AGO3: variants seen among roughly 807,000 people sequenced by gnomAD.
AGO3 encodes the protein argonaute RISC catalytic component 3.
A neutral mutation model predicts 105.5 loss-of-function variants in AGO3; 16 were observed. The observed-to-expected ratio is 0.15, with a 90% confidence interval of 0.10 to 0.23. AGO3 has a LOEUF of 0.23. Ranked by LOEUF, AGO3 falls within the 10% of genes least tolerant of loss-of-function variation. AGO3 has a pLI of 1.00. For missense variants in AGO3, 534 were observed against 1,088.0 expected, an observed-to-expected ratio of 0.49 and a Z score of 7.16; for synonymous variants, 340 against 367.3, an observed-to-expected ratio of 0.93 and a Z score of 0.85.
intron 14 of AGO3, among the ~76,000 whole-genome samples, chr1:36,039,357 G>A (rs190879298): frequency 1.3e-5 from 2 of 152,130 alleles, no homozygotes; most frequent in East Asian, 3.9e-4. Context: ...AGCTGGGGGT[G>A]GTGGTGCACA....
chr1:36,041,235 CTTTTTTT>C (rs958423621), intron 16 of AGO3, among the ~76,000 whole-genome samples: 2 of 86,408 alleles, frequency 2.3e-5, no homozygotes, highest in East Asian at 3.6e-4. Flanking sequence ...AATATGTTTT[CTTTTTTT>C]TTTTTTTTTT....
intron 2 of AGO3, among the ~76,000 whole-genome samples, chr1:35,954,382 G>GT (rs1646528370): frequency 6.6e-6 from 1 of 152,046 alleles, no homozygotes. Context: ...AGTACATAAG[G>GT]TATTATTACC....
chr1:36,019,750 T>C (rs114171393), intron 11 of AGO3, among the ~76,000 whole-genome samples: 2,324 of 152,260 alleles, frequency 0.015, 50 homozygotes, highest in African/African-American at 0.053. Flanking sequence ...AACACCAATA[T>C]ATATGTAAGG....
intron 5 of AGO3, among the ~76,000 whole-genome samples, chr1:36,002,593 A>G (rs913667882): frequency 6.6e-6 from 1 of 152,070 alleles, no homozygotes; most frequent in African/African-American, 2.4e-5. Flanking sequence ...CGGCCTCCCA[A>G]AGTGCTGGGA....
intron 5 of AGO3, chr1:35,992,152 G>A (rs1051258122): frequency 2.0e-5 from 3 of 152,284 alleles, no homozygotes; most frequent in East Asian, 3.9e-4. Context: ...AAGCCTAGTT[G>A]GGAGTTCTAG....
At chr1:36,005,263 T>G (rs1307081091) in intron 6 of AGO3, among the ~76,000 whole-genome samples, 1 of 152,194 alleles carries the variant, frequency 6.6e-6, no homozygotes, top group South Asian at 2.1e-4. Context: ...TTTCAGCTTG[T>G]GGTTTGAATG....
chr1:36,002,168 C>T (rs1256380297), intron 5 of AGO3, among the ~76,000 whole-genome samples: 5 of 149,098 alleles, frequency 3.4e-5, no homozygotes, highest in Non-Finnish European at 6.0e-5. Flanking sequence ...TACAGGCATG[C>T]GCCACCACAC....
chr1:35,964,052 A>G (rs191751245), intron 2 of AGO3, among the ~76,000 whole-genome samples: 50 of 152,278 alleles, frequency 3.3e-4, no homozygotes, highest in Admixed American at 7.8e-4. Flanking sequence ...AGCAGGATAT[A>G]TATATATATT....
intron 17 of AGO3, among the ~76,000 whole-genome samples, chr1:36,050,824 A>G (rs1199336920): frequency 7.0e-6 from 1 of 143,870 alleles, no homozygotes; most frequent in Non-Finnish European, 1.5e-5. Context: ...ACTTGATTTG[A>G]TTTCTTTCGT....
chr1:35,947,608 T>G (rs560231279), intron 2 of AGO3, among the ~76,000 whole-genome samples: 51 of 152,162 alleles, frequency 3.4e-4, no homozygotes, highest in African/African-American at 1.2e-3. Context: ...ATGGCATGAG[T>G]GTGATGGTGG....
At chr1:36,020,341 CT>C (rs1226268956) in intron 11 of AGO3, among the ~76,000 whole-genome samples, 1 of 152,186 alleles carries the variant, frequency 6.6e-6, no homozygotes, top group Non-Finnish European at 1.5e-5. Context: ...TCAGTACTGA[CT>C]GAGTTAGCAT....
At chr1:35,931,592 G>A in intron 1 of AGO3, 147 bp downstream of exon 1, 1 of 927,860 alleles carries the variant, frequency 1.1e-6, no homozygotes, top group Non-Finnish European at 1.5e-6. Flanking sequence ...GCTCCTCCGC[G>A]ACCTCCCCGC....
In AGO3 at chr1:36,071,244, GAAGA is replaced by G. The variant is rs143334158; in HGVS notation, c.*15502_*15505del. On this transcript the variant is annotated 3_prime_UTR_variant, in exon 19 of 19. Transcript: ENST00000373191. ...ACAAAAAAAACCCTAAGTAATGGAG[GAAGA>G]AATAGCATTCTTTTAAAAGGGGCTT... 1 of 152,226 alleles carries G rather than the reference GAAGA, an allele frequency of 6.6e-6. No homozygotes were observed. Among genetic ancestry groups the G allele is most frequent in the Non-Finnish European group, 1.5e-5 (1 of 68,004 alleles). 9.4% of individuals were successfully genotyped at this position (152,226 alleles called of 1,614,324 possible).
chr1:36,062,147 T>A lies in AGO3; in HGVS notation c.*6402T>A, dbSNP rs1289432861. 1 of 151,830 alleles carries A rather than the reference T, an allele frequency of 6.6e-6. No individual in the cohort carries two copies. The highest frequency in any genetic ancestry group is 1.9e-4 in the East Asian group (1 of 5,198). The allele number at this position is 151,830 out of a possible 1,614,324, so 9.4% of individuals were successfully genotyped here. A position where few individuals can be genotyped will look rare whatever the true frequency, so the allele number is the denominator to read the frequency against. Reference sequence around the variant, plus strand: ...ACTTGCCTGGAATCATAGGCAACATTTTCTAATTAATCTTTTTTTTTTTTT... The same window carrying A: ...ACTTGCCTGGAATCATAGGCAACATATTCTAATTAATCTTTTTTTTTTTTT... On this transcript the variant is annotated 3_prime_UTR_variant, in exon 19 of 19. Transcript: ENST00000373191.
chr1:36,028,196 C>T (rs1313197258), intron 12 of AGO3, among the ~76,000 whole-genome samples: 1 of 152,102 alleles, frequency 6.6e-6, no homozygotes, highest in Non-Finnish European at 1.5e-5. Flanking sequence ...CATGTGCCAC[C>T]ACACTGGACT....
intron 11 of AGO3, among the ~76,000 whole-genome samples, chr1:36,023,402 CAG>C (rs1184356474): frequency 4.6e-5 from 7 of 152,206 alleles, no homozygotes; most frequent in East Asian, 1.9e-4. Flanking sequence ...TTAAATTTAA[CAG>C]AGTTTAATTG....
Position 36,063,477 on chromosome 1 carries a change from T to C in AGO3, c.*7732T>C, listed in dbSNP as rs1208680049. 1.3e-5 allele frequency: 2 copies of C among 152,148 alleles called. No homozygotes were observed. Among genetic ancestry groups the C allele is most frequent in the African/African-American group, 2.4e-5 (1 of 41,432 alleles). The allele number at this position is 152,148 out of a possible 1,614,324, so 9.4% of individuals were successfully genotyped here. Reference sequence around the variant, plus strand: ...AAAACAAATAGCAAATGATTCAAAATTCATTGAATTGACTTTGAAATGAAA... The same window carrying C: ...AAAACAAATAGCAAATGATTCAAAACTCATTGAATTGACTTTGAAATGAAA... On this transcript the variant is annotated 3_prime_UTR_variant, in exon 19 of 19. Transcript: ENST00000373191.
chr1:35,991,932 A>G (rs1055047769), intron 5 of AGO3, among the ~76,000 whole-genome samples: 24 of 152,038 alleles, frequency 1.6e-4, no homozygotes, highest in Non-Finnish European at 1.5e-4. Context: ...CTGTCTATTC[A>G]GTGTTAATCT....
At chr1:35,933,991 CTT>C (rs1646102664) in intron 1 of AGO3, among the ~76,000 whole-genome samples, 1 of 151,864 alleles carries the variant, frequency 6.6e-6, no homozygotes, top group South Asian at 2.1e-4. Context: ...ACCATCAGAA[CTT>C]TGATTTAACA....
Sources: allele counts gnomAD v4.1 joint callset (sites outside exome capture counted in the v4.1 genomes callset), GRCh38; gene constraint gnomAD v4.1.1; transcripts MANE v1.5; gene names NCBI Gene and HGNC (gene_info 2026-07-23, HGNC 2026-07-21).